The following CAPS2 variants were observed in gnomAD, a reference collection of about 807,000 sequenced individuals.
CAPS2 encodes the protein calcyphosin-2.
In CAPS2, 98 loss-of-function variants were observed where a neutral mutation model predicts 86.5. The observed-to-expected ratio is 1.13, with a 90% CI of 0.96 to 1.34. The LOEUF is 1.34. Ranked by LOEUF, CAPS2 falls within the 40% of genes most tolerant of loss-of-function variation. CAPS2 has a pLI of 0.00. For synonymous variants in CAPS2, 210 were observed against 225.1 expected (o/e 0.93, Z 0.60); for missense variants, 729 against 686.8 (o/e 1.06, Z -0.69).
At chr12:75,279,575 A>T (rs1036535197) in intron 16 of CAPS2, among the ~76,000 whole-genome samples, 3 of 152,014 alleles carry the variant, frequency 2.0e-5, no homozygotes, top group Non-Finnish European at 4.4e-5. Context: ...TTTTCCCTCA[A>T]ACCAGAGGTT....
intron 1 of CAPS2, chr12:75,367,147 C>A (rs1048029043): frequency 3.3e-5 from 21 of 631,978 alleles, no homozygotes; most frequent in Admixed American, 4.8e-5. Context: ...AAAGTGGAAA[C>A]CAAATAGGGT....
At chr12:75,280,427 A>G in intron 16 of CAPS2, among the ~76,000 whole-genome samples, 1 of 151,836 alleles carries the variant, frequency 6.6e-6, no homozygotes, top group East Asian at 1.9e-4. Context: ...GCAAAGACAA[A>G]TTATGGAATT....
intron 7 of CAPS2, chr12:75,305,677 G>C: frequency 3.1e-6 from 2 of 653,506 alleles, no homozygotes; most frequent in Non-Finnish European, 5.8e-6. Context: ...GCACTGCCCA[G>C]TCTGGCCCGG....
At position 75,325,289 on chromosome 12, in the gene CAPS2, C is replaced by T. The variant is rs2040661938; in HGVS notation, c.82-1G>A. ...TCCATGACTCAGAAGTCCACCTTTG[C>T]TTTAATTAAAAAAAAAACTTTTTGA... On this transcript the variant is annotated splice_acceptor_variant, in intron 1 of 16. Transcript: ENST00000393284. LOFTEE classifies it high-confidence loss of function. The T allele has an allele frequency of 2.6e-6, 4 of 1,541,664 alleles. No homozygotes were observed. Among genetic ancestry groups the T allele is most frequent in the African/African-American group, 1.4e-5 (1 of 72,246 alleles).
chr12:75,316,755 AAGTT>A (rs937269413), intron 5 of CAPS2, among the ~76,000 whole-genome samples: 39 of 152,286 alleles, frequency 2.6e-4, no homozygotes, highest in African/African-American at 8.9e-4. Flanking sequence ...CATTAAATAA[AAGTT>A]AGCAGCTATT....
chr12:75,349,277 TC>T (rs1164958179), intron 1 of CAPS2, among the ~76,000 whole-genome samples: 1 of 152,176 alleles, frequency 6.6e-6, no homozygotes, highest in Non-Finnish European at 1.5e-5. Context: ...ATCAAAATGT[TC>T]CCATGTAATT....
intron 1 of CAPS2, chr12:75,370,302 A>C: frequency 1.8e-6 from 1 of 570,310 alleles, no homozygotes; most frequent in South Asian, 2.5e-5. Context: ...ACCTAAATTT[A>C]ATGTTTGTTT....
chr12:75,323,919 G>C (rs1169371223), intron 2 of CAPS2, among the ~76,000 whole-genome samples: 1 of 152,136 alleles, frequency 6.6e-6, no homozygotes, highest in Non-Finnish European at 1.5e-5. Context: ...TGTCATATAG[G>C]CACACTGAAA....
chr12:75,325,712 G>A (rs1425656154), intron 1 of CAPS2, among the ~76,000 whole-genome samples: 2 of 151,926 alleles, frequency 1.3e-5, no homozygotes, highest in South Asian at 4.1e-4. Flanking sequence ...GATGAAAAGA[G>A]AAGAAAGAAA....
chr12:75,346,727 T>C (rs893647897), intron 1 of CAPS2, among the ~76,000 whole-genome samples: 1 of 152,178 alleles, frequency 6.6e-6, no homozygotes, highest in African/African-American at 2.4e-5. Context: ...GCTGGTAAAA[T>C]ATATTTTGCA....
At chr12:75,372,078 G>T (rs545437630) in intron 1 of CAPS2, among the ~76,000 whole-genome samples, 2 of 152,166 alleles carry the variant, frequency 1.3e-5, no homozygotes, top group East Asian at 1.9e-4. Context: ...GCAGTGGCAC[G>T]ATCTTGGCTC....
chr12:75,324,932 A>G (rs1452073861), intron 2 of CAPS2, among the ~76,000 whole-genome samples: 1 of 152,152 alleles, frequency 6.6e-6, no homozygotes, highest in Non-Finnish European at 1.5e-5. Flanking sequence ...AAAAATTTAC[A>G]CATCTCTTTA....
At chr12:75,389,718 G>A (rs1052977635) in intron 1 of CAPS2, among the ~76,000 whole-genome samples, 2 of 152,136 alleles carry the variant, frequency 1.3e-5, no homozygotes, top group Non-Finnish European at 2.9e-5. Context: ...TCTTAGACTT[G>A]TCTGTTTCAC....
downstream of CAPS2, chr12:75,277,089 A>T (rs1157909176): frequency 1.0e-6 from 1 of 984,118 alleles, no homozygotes; most frequent in Non-Finnish European, 1.2e-6. Context: ...ACCAAAAAAA[A>T]TCTCATAAAT....
intron 7 of CAPS2, among the ~76,000 whole-genome samples, chr12:75,305,300 A>G (rs1360750312): frequency 6.6e-6 from 1 of 152,218 alleles, no homozygotes; most frequent in Non-Finnish European, 1.5e-5. Context: ...CAGAGAGAAG[A>G]GTTTATGAAA....
chr12:75,361,869 T>C (rs1231057190), intron 1 of CAPS2, among the ~76,000 whole-genome samples: 1 of 152,070 alleles, frequency 6.6e-6, no homozygotes, highest in Non-Finnish European at 1.5e-5. Context: ...GAGATTTGGG[T>C]GGGGACACAG....
At chr12:75,381,835 G>A (rs1333560522) in intron 1 of CAPS2, among the ~76,000 whole-genome samples, 3 of 151,870 alleles carry the variant, frequency 2.0e-5, no homozygotes, top group Non-Finnish European at 2.9e-5. Flanking sequence ...GGATGGTCTC[G>A]ATCTCCTGAC....
intron 11 of CAPS2, among the ~76,000 whole-genome samples, chr12:75,297,603 T>C (rs1295168352): frequency 6.6e-6 from 1 of 152,164 alleles, no homozygotes; most frequent in Non-Finnish European, 1.5e-5. Context: ...AATCTGATCA[T>C]GCCACCTTCC....
At chr12:75,390,371 T>C (rs1180070150) in intron 1 of CAPS2, 1 of 456,220 alleles carries the variant, frequency 2.2e-6, no homozygotes, top group African/African-American at 2.0e-5. Flanking sequence ...TTCCGGGCTG[T>C]CTGAATTGTG....
Sources: allele counts gnomAD v4.1 joint callset (sites outside exome capture counted in the v4.1 genomes callset), GRCh38; gene constraint gnomAD v4.1.1; transcripts MANE v1.5; gene names NCBI Gene and HGNC (gene_info 2026-07-23, HGNC 2026-07-21).